The following GSAP variants were observed in gnomAD, a reference collection of about 807,000 sequenced individuals.
GSAP encodes the protein gamma-secretase activating protein.
In GSAP, 118 loss-of-function variants were observed where a neutral mutation model predicts 131.7. That is an observed-to-expected ratio of 0.90 (90% CI 0.77 to 1.04). The LOEUF (loss-of-function observed/expected upper bound fraction) is 1.04. Among genes scored for constraint, GSAP ranks in the 50% least tolerant of loss-of-function variants. GSAP has a pLI of 0.00. For missense variants in GSAP, 1,019 were observed against 1,013.2 expected (o/e 1.01, Z -0.08); for synonymous variants, 381 against 363.4 (o/e 1.05, Z -0.55).
intron 26 of GSAP, among the ~76,000 whole-genome samples, chr7:77,317,345 T>TG (rs983742074): frequency 2.1e-4 from 10 of 47,080 alleles, no homozygotes; most frequent in South Asian, 1.2e-3. Flanking sequence ...GGACAAGGGT[T>TG]GGGGGGGAAC....
intron 5 of GSAP, among the ~76,000 whole-genome samples, chr7:77,389,884 G>C (rs1231133022): frequency 6.6e-6 from 1 of 152,142 alleles, no homozygotes; most frequent in Non-Finnish European, 1.5e-5. Flanking sequence ...GGTTGAACTA[G>C]TTTACAGTCC....
chr7:77,357,535 G>A (rs1484897627), intron 14 of GSAP, among the ~76,000 whole-genome samples: 1 of 152,186 alleles, frequency 6.6e-6, no homozygotes, highest in Non-Finnish European at 1.5e-5. Context: ...CTAGTCAGGG[G>A]TGTCCAATCT....
chr7:77,313,105 C>T (rs1794590058), intron 28 of GSAP, among the ~76,000 whole-genome samples: 1 of 152,212 alleles, frequency 6.6e-6, no homozygotes, highest in Non-Finnish European at 1.5e-5. Flanking sequence ...AGGGGAAATA[C>T]AGGTCTAGAA....
intron 11 of GSAP, among the ~76,000 whole-genome samples, chr7:77,374,402 TA>T (rs1398061762): frequency 4.6e-5 from 7 of 152,202 alleles, no homozygotes; most frequent in Non-Finnish European, 1.0e-4. Context: ...ACTTTTCTGA[TA>T]TAGAGTAATG....
Position 77,390,039 on chromosome 7 carries a change from C to G in GSAP, c.368-2591G>C, listed in dbSNP as rs149933939. 6.4e-4 allele frequency among the ~76,000 whole-genome samples: 97 copies of G among 152,298 alleles called. No individual in the cohort carries two copies. The East Asian group carries it at 0.011, about 17-fold the overall frequency. On this transcript the variant is annotated intron_variant, in intron 5 of 30. Transcript: ENST00000257626. ...TTGCATGTCTCTGATGGCCAGTGAT[C>G]ATGAGCATTTTTTCATGTGTTTTTT...
At chr7:77,328,765 GA>G in intron 21 of GSAP, 128 bp from the exon 22 acceptor site, 2 of 637,200 alleles carry the variant, frequency 3.1e-6, no homozygotes, top group Non-Finnish European at 5.4e-6. Flanking sequence ...TCAAGCTGCT[GA>G]AAACCTCAAA....
Position 77,311,335 on chromosome 7 carries a change from C to A in GSAP, c.*23G>T, listed in dbSNP as rs1313982092. On this transcript the variant is annotated 3_prime_UTR_variant, in exon 31 of 31. Coordinates refer to ENST00000257626, the MANE Select transcript of GSAP (RefSeq NM_017439.4). ...ATGAGCAAGATTAAAATGGCAGCAG[C>A]AGATCCAATTGCGTTTTCTTTTTCA... 1 of 1,328,990 alleles carries A rather than the reference C, an allele frequency of 7.5e-7. No homozygotes were observed. Among genetic ancestry groups the A allele is most frequent in the Non-Finnish European group, 1.1e-6 (1 of 920,800 alleles). The allele number at this position is 1,328,990 out of a possible 1,614,324, so 82.3% of individuals were successfully genotyped here.
At position 77,416,322 on chromosome 7, in the gene GSAP, C is replaced by T. The variant is rs1292351217; in HGVS notation, c.-1G>A. 2.0e-6 allele frequency: 3 copies of T among 1,484,120 alleles called. No individual in the cohort carries two copies. The highest frequency in any genetic ancestry group is 2.4e-4 in the Middle Eastern group (1 of 4,226). The allele number at this position is 1,484,120 out of a possible 1,614,324, so 91.9% of individuals were successfully genotyped here. A position where few individuals can be genotyped will look rare whatever the true frequency, so the allele number is the denominator to read the frequency against. ...AGTCGGCGACCAGGCGAAGAGCCAT[C>T]GCCCGGACACGACCACCGGGCGGCT... On this transcript the variant is annotated 5_prime_UTR_variant, in exon 1 of 31. Transcript: ENST00000257626.
intron 19 of GSAP, among the ~76,000 whole-genome samples, chr7:77,336,778 G>A (rs990112018): frequency 1.3e-5 from 2 of 152,108 alleles, no homozygotes; most frequent in African/African-American, 2.4e-5. Context: ...ATGAGCCACC[G>A]TGCCCAGCCA....
At chr7:77,345,988 A>T (rs1791751515) in intron 19 of GSAP, among the ~76,000 whole-genome samples, 1 of 152,174 alleles carries the variant, frequency 6.6e-6, no homozygotes, top group African/African-American at 2.4e-5. Context: ...TTAGGGGAAT[A>T]GATCAAAAGA....
intron 5 of GSAP, among the ~76,000 whole-genome samples, chr7:77,396,486 C>CA (rs1221038436): frequency 1.3e-5 from 2 of 152,118 alleles, no homozygotes; most frequent in Admixed American, 6.5e-5. Flanking sequence ...GAGTTATAGA[C>CA]AGAGGGATGA....
chr7:77,363,616 C>T (rs1794845835), intron 12 of GSAP, among the ~76,000 whole-genome samples: 1 of 152,170 alleles, frequency 6.6e-6, no homozygotes, highest in African/African-American at 2.4e-5. Context: ...AAGTCAGTTT[C>T]CCCTAAGAGG....
At chr7:77,346,757 T>C (rs73362727) in intron 19 of GSAP, among the ~76,000 whole-genome samples, 21,931 of 151,836 alleles carry the variant, frequency 0.14, 2,409 homozygotes, top group East Asian at 0.42. Context: ...TGGTGTTTTG[T>C]ATGTATTAAT....
chr7:77,390,145 T>C (rs1404433816), intron 5 of GSAP, among the ~76,000 whole-genome samples: 3 of 152,212 alleles, frequency 2.0e-5, no homozygotes, highest in Non-Finnish European at 2.9e-5. Context: ...TGTTTTCTCT[T>C]GTAAATTTGT....
At chr7:77,337,306 G>T (rs1243378865) in intron 19 of GSAP, among the ~76,000 whole-genome samples, 1 of 109,090 alleles carries the variant, frequency 9.2e-6, no homozygotes, top group African/African-American at 4.1e-5. Flanking sequence ...TGGGGTGGGG[G>T]GGGGGTTACA....
At chr7:77,349,730 G>C (rs985456288) in intron 18 of GSAP, among the ~76,000 whole-genome samples, 1 of 152,124 alleles carries the variant, frequency 6.6e-6, no homozygotes, top group African/African-American at 2.4e-5. Context: ...AATTATGTTT[G>C]CACCAAATGT....
At chr7:77,347,776 GA>G (rs1319933892) in intron 19 of GSAP, among the ~76,000 whole-genome samples, 2 of 152,088 alleles carry the variant, frequency 1.3e-5, no homozygotes, top group Non-Finnish European at 2.9e-5. Context: ...AAATGGGGGA[GA>G]AGAGACAGTT....
At chr7:77,319,847 G>A (rs182231176) in intron 26 of GSAP, among the ~76,000 whole-genome samples, 1 of 152,322 alleles carries the variant, frequency 6.6e-6, no homozygotes. Context: ...CATAGACACA[G>A]AAGGTAGAAC....
At position 77,330,368 on chromosome 7, in the gene GSAP, C is replaced by T. The variant is rs770540467; in HGVS notation, c.1546-1G>A. ...CCCAGTAGCCCTTAAAGCTGAGCAC[C>T]TGTAGGAGACAAAAACATCAGTGGC... On this transcript the variant is annotated splice_acceptor_variant, in intron 19 of 30. Coordinates refer to ENST00000257626, the MANE Select transcript of GSAP (RefSeq NM_017439.4). LOFTEE classifies it high-confidence loss of function. The T allele has an allele frequency of 1.2e-6, 2 of 1,612,808 alleles. No homozygotes were observed. The highest frequency in any genetic ancestry group is 1.1e-5 in the South Asian group (1 of 90,944).
Sources: gnomAD v4.1 joint callset for allele counts (sites outside exome capture counted in the v4.1 genomes callset) on GRCh38, gnomAD v4.1.1 for gene constraint, MANE v1.5 for transcripts, NCBI Gene and HGNC (gene_info 2026-07-23, HGNC 2026-07-21) for gene names.